Variants in NKAIN3 observed in about 807,000 individuals in gnomAD.
NKAIN3 encodes sodium/potassium transporting ATPase interacting 3, also known as sodium/potassium-transporting ATPase subunit beta-1-interacting protein 3.
A neutral mutation model predicts 30.2 loss-of-function variants in NKAIN3; 25 were observed. The ratio of observed to expected loss-of-function variants is 0.83; its 90% CI spans 0.60 to 1.16. NKAIN3 has a LOEUF of 1.16. Ranked by LOEUF, NKAIN3 falls within the 50% of genes most tolerant of loss-of-function variation. The probability of loss-of-function intolerance (pLI) is 0.00; values close to 1 mark genes in which losing one functional copy is unlikely to be tolerated. For missense variants in NKAIN3, 225 were observed against 254.1 expected (o/e 0.89, Z 0.78); for synonymous variants, 91 against 89.6 (o/e 1.02, Z -0.09).
At chr8:62,454,340 T>C (rs1805749815) in intron 1 of NKAIN3, among the ~76,000 whole-genome samples, 1 of 74,934 alleles carries the variant, frequency 1.3e-5, no homozygotes, top group African/African-American at 3.9e-5. Context: ...AATCTCATAA[T>C]GTTTTAAGAA....
At chr8:62,476,764 A>T (rs1403592243) in intron 1 of NKAIN3, among the ~76,000 whole-genome samples, 1 of 152,050 alleles carries the variant, frequency 6.6e-6, no homozygotes, top group Non-Finnish European at 1.5e-5. Flanking sequence ...CTCTATAGTA[A>T]TTTAAAAGTC....
chr8:62,740,099 A>G (rs185361858), intron 3 of NKAIN3, among the ~76,000 whole-genome samples: 1 of 152,220 alleles, frequency 6.6e-6, no homozygotes. Flanking sequence ...CAATCACTCT[A>G]TTTGCTCTTT....
chr8:62,304,601 A>C (rs1233871526), intron 1 of NKAIN3, among the ~76,000 whole-genome samples: 1 of 150,594 alleles, frequency 6.6e-6, no homozygotes. Flanking sequence ...AACATAATGA[A>C]GCAAGAATGG....
chr8:62,356,487 G>A (rs923243685), intron 1 of NKAIN3, among the ~76,000 whole-genome samples: 1 of 152,018 alleles, frequency 6.6e-6, no homozygotes, highest in Non-Finnish European at 1.5e-5. Flanking sequence ...ATCCACCCAG[G>A]CACCTAAATT....
intron 3 of NKAIN3, among the ~76,000 whole-genome samples, chr8:62,594,446 A>G (rs1445893130): frequency 1.3e-5 from 2 of 152,036 alleles, no homozygotes; most frequent in Non-Finnish European, 2.9e-5. Context: ...GCTCTTTGCT[A>G]AGATCAAAAT....
At chr8:62,505,828 A>G (rs2129706713) in intron 1 of NKAIN3, among the ~76,000 whole-genome samples, 1 of 152,256 alleles carries the variant, frequency 6.6e-6, no homozygotes, top group South Asian at 2.1e-4. Context: ...AACCAAAGTT[A>G]TCTTATAATT....
intron 2 of NKAIN3, among the ~76,000 whole-genome samples, chr8:62,584,432 G>C (rs893586114): frequency 6.6e-6 from 1 of 152,152 alleles, no homozygotes; most frequent in African/African-American, 2.4e-5. Context: ...TTAAGTAATT[G>C]ATCACCTTTA....
intron 1 of NKAIN3, among the ~76,000 whole-genome samples, chr8:62,407,432 C>CGTT (rs10660479): frequency 0.99 from 136,549 of 138,218 alleles, 67,452 homozygotes; most frequent in East Asian, 1. Flanking sequence ...GACGGAGTCT[C>CGTT]GTGTCACCGG....
chr8:62,632,225 C>A (rs1811985735), intron 3 of NKAIN3, among the ~76,000 whole-genome samples: 1 of 152,110 alleles, frequency 6.6e-6, no homozygotes, highest in East Asian at 1.9e-4. Flanking sequence ...ACATCTATCT[C>A]CATATTTCTA....
At chr8:62,707,966 A>G (rs944577563) in intron 3 of NKAIN3, among the ~76,000 whole-genome samples, 10 of 152,086 alleles carry the variant, frequency 6.6e-5, no homozygotes, top group Non-Finnish European at 1.3e-4. Flanking sequence ...ACCGAGCACC[A>G]TTTGTTGAAA....
At chr8:62,381,537 A>T (rs537018379) in intron 1 of NKAIN3, among the ~76,000 whole-genome samples, 3 of 151,826 alleles carry the variant, frequency 2.0e-5, no homozygotes, top group Non-Finnish European at 4.4e-5. Flanking sequence ...TATATATATT[A>T]GAACAAGGCA....
At chr8:62,773,804 C>T (rs1374397315) in intron 4 of NKAIN3, among the ~76,000 whole-genome samples, 1 of 152,188 alleles carries the variant, frequency 6.6e-6, no homozygotes, top group Non-Finnish European at 1.5e-5. Flanking sequence ...GTCAATTAAA[C>T]TTCTTGCCTT....
At chr8:62,607,460 GT>G (rs1453489085) in intron 3 of NKAIN3, among the ~76,000 whole-genome samples, 1 of 152,072 alleles carries the variant, frequency 6.6e-6, no homozygotes. Flanking sequence ...TGCACTTGGT[GT>G]TCATGACAGT....
intron 1 of NKAIN3, among the ~76,000 whole-genome samples, chr8:62,301,691 A>G (rs1814055237): frequency 6.6e-6 from 1 of 152,140 alleles, no homozygotes; most frequent in South Asian, 2.1e-4. Flanking sequence ...TTTTCAAAAC[A>G]GCATTTTGTA....
At chr8:62,618,603 AAAG>A (rs760756822) in intron 3 of NKAIN3, among the ~76,000 whole-genome samples, 1 of 151,998 alleles carries the variant, frequency 6.6e-6, no homozygotes, top group Non-Finnish European at 1.5e-5. Context: ...AAACAAGAAG[AAAG>A]AAGAAAGAAA....
intron 1 of NKAIN3, among the ~76,000 whole-genome samples, chr8:62,440,989 C>A (rs1483109076): frequency 7.2e-5 from 11 of 152,118 alleles, no homozygotes; most frequent in African/African-American, 2.7e-4. Flanking sequence ...TGTTACCCGC[C>A]TCCATTTTGA....
chr8:62,532,007 A>G (rs1184346312), intron 1 of NKAIN3, among the ~76,000 whole-genome samples: 2 of 152,180 alleles, frequency 1.3e-5, no homozygotes, highest in Non-Finnish European at 2.9e-5. Flanking sequence ...ATGTCTGGGA[A>G]ATCATGCTGT....
intron 1 of NKAIN3, among the ~76,000 whole-genome samples, chr8:62,511,993 G>T (rs898769601): frequency 6.6e-6 from 1 of 152,062 alleles, no homozygotes; most frequent in Non-Finnish European, 1.5e-5. Context: ...AAGAGCAGCA[G>T]CTGGGGCTAT....
rs1823843005 is a variant in NKAIN3, at chr8:62,971,875, G to C, written c.*6468G>C. Among the ~76,000 whole-genome samples, 1 of 152,056 alleles carries C rather than the reference G, an allele frequency of 6.6e-6. No individual in the cohort carries two copies. Among genetic ancestry groups the C allele is most frequent in the African/African-American group, 2.4e-5 (1 of 41,404 alleles). On this transcript the variant is annotated 3_prime_UTR_variant, in exon 7 of 7. Coordinates refer to ENST00000623646, the MANE Select transcript of NKAIN3 (RefSeq NM_001304533.3). ...CTGCCTCATCTTGTTTCCTTATCTT[G>C]TCTTTGTGGTTAGAAAGAAATGAAA...
Sources: allele counts gnomAD v4.1 joint callset (sites outside exome capture counted in the v4.1 genomes callset), GRCh38; gene constraint gnomAD v4.1.1; transcripts MANE v1.5; gene names NCBI Gene and HGNC (gene_info 2026-07-23, HGNC 2026-07-21).